NLGN3: variants seen among roughly 807,000 people sequenced by gnomAD.
NLGN3 encodes neuroligin-3.
Under a neutral mutation model 42.9 loss-of-function variants are expected in NLGN3, and 11 were observed. The observed-to-expected ratio is 0.26, with a 90% CI of 0.16 to 0.42. NLGN3 has a LOEUF of 0.42. Ranked by LOEUF, NLGN3 falls within the 10% of genes least tolerant of loss-of-function variation. The pLI is 1.00. For synonymous variants in NLGN3, 279 were observed against 312.7 expected (o/e 0.89, Z 1.14); for missense variants, 374 against 733.8 (o/e 0.51, Z 5.67).
In NLGN3 at chrX:71,170,190, C is replaced by T. The variant is rs2092466790; in HGVS notation, c.*93C>T. ...ACACACACACACACGCAGACACACA[C>T]ACACACACACATATATGTATACGCA... is the stretch of plus-strand genomic sequence containing the variant. On this transcript the variant is annotated 3_prime_UTR_variant, in exon 8 of 8. Coordinates refer to ENST00000358741, the MANE Select transcript of NLGN3 (RefSeq NM_181303.2). The T allele has an allele frequency of 8.5e-7, 1 of 1,182,901 alleles. No individual in the cohort carries two copies. The highest frequency in any genetic ancestry group is 1.1e-6 in the Non-Finnish European group (1 of 886,230).
At chrX:71,159,641 C>CGG (rs914476130) in intron 5 of NLGN3, among the ~76,000 whole-genome samples, 2 of 111,295 alleles carry the variant, frequency 1.8e-5, no homozygotes, top group African/African-American at 6.5e-5. Context: ...TATTGGATGC[C>CGG]GGGTACATAT....
Position 71,171,148 on chromosome X carries a change from A to T in NLGN3, c.*1051A>T, listed in dbSNP as rs2092470335. On this transcript the variant is annotated 3_prime_UTR_variant, in exon 8 of 8. Coordinates refer to ENST00000358741, the MANE Select transcript of NLGN3 (RefSeq NM_181303.2). Reference sequence around the variant, plus strand: ...CCCATGGAGTTTGTCCTTTGTAAAAATTTTAAACACAGTGTCTTGATATAA... The same window carrying T: ...CCCATGGAGTTTGTCCTTTGTAAAATTTTTAAACACAGTGTCTTGATATAA... 1 of 749,802 alleles carries T rather than the reference A, an allele frequency of 1.3e-6. No individual in the cohort carries two copies. Among genetic ancestry groups the T allele is most frequent in the African/African-American group, 2.4e-5 (1 of 42,357 alleles). The allele number at this position is 749,802 out of a possible 1,213,427, so 61.8% of individuals were successfully genotyped here. A position where few individuals can be genotyped will look rare whatever the true frequency, so the allele number is the denominator to read the frequency against.
At chrX:71,168,885 AG>A (rs1349993209) in intron 7 of NLGN3, among the ~76,000 whole-genome samples, 17 of 67,209 alleles carry the variant, frequency 2.5e-4, no homozygotes, top group Admixed American at 1.8e-3. Flanking sequence ...GAAAAGAAAG[AG>A]AAAGAAAGAA....
At chrX:71,147,306 C>T (rs765912418) in intron 1 of NLGN3, among the ~76,000 whole-genome samples, 122 of 112,052 alleles carry the variant, frequency 1.1e-3, no homozygotes, top group African/African-American at 3.8e-3. Flanking sequence ...AGTTGGGCAC[C>T]GGGAACTTGC....
At chrX:71,172,627 C>CGTGTGTGTGTGT (rs59876964), downstream of NLGN3, among the ~76,000 whole-genome samples, 18 of 100,525 alleles carry the variant, frequency 1.8e-4, no homozygotes, top group African/African-American at 5.9e-4. Context: ...TGTGTGCATG[C>CGTGTGTGTGTGT]GTGTGTGTGT....
chrX:71,164,052 T>C, intron 5 of NLGN3, 91 bp from the exon 6 acceptor site: 1 of 837,259 alleles, frequency 1.2e-6, no homozygotes, highest in East Asian at 3.2e-5. Flanking sequence ...CATTCTCTAT[T>C]CCCACCTCCC....
intron 7 of NLGN3, among the ~76,000 whole-genome samples, chrX:71,168,815 A>AG (rs1491538448): frequency 3.6e-5 from 2 of 55,907 alleles, no homozygotes; most frequent in African/African-American, 3.1e-4. Context: ...AAAGAAAGAG[A>AG]AAAAAAAAAG....
Position 71,152,786 on chromosome X carries a change from C to G in NLGN3, c.518-691C>G, listed in dbSNP as rs1228346766. Among the ~76,000 whole-genome samples the G allele has an allele frequency of 3.6e-5, 4 of 111,248 alleles. No individual in the cohort carries two copies. The East Asian group carries it at 1.1e-3, about 31-fold the overall frequency. On this transcript the variant is annotated intron_variant, in intron 3 of 7. Transcript: ENST00000358741. Reference sequence around the variant, plus strand: ...TGTCCCTCTCTCCCTCTCTGGCTCTCTCTACATCTCAGAGCAATGCTTGCT... The same window carrying G: ...TGTCCCTCTCTCCCTCTCTGGCTCTGTCTACATCTCAGAGCAATGCTTGCT...
chrX:71,171,428 C>T, downstream of NLGN3, among the ~76,000 whole-genome samples: 1 of 109,955 alleles, frequency 9.1e-6, no homozygotes, highest in Non-Finnish European at 1.9e-5. Context: ...TCCCCCTGCC[C>T]CCAGCGCGCT....
At chrX:71,168,863 AAGAAAGAGAAAGAAAAGAAAG>A (rs2092459478) in intron 7 of NLGN3, among the ~76,000 whole-genome samples, 10 of 88,364 alleles carry the variant, frequency 1.1e-4, no homozygotes, top group African/African-American at 5.0e-4. Flanking sequence ...GAAAGAAAGA[AAGAAAGAGAAAGAAAAGAAAG>A]AGAAAGAAAG....
chrX:71,168,025 A>G (rs1227248334), intron 7 of NLGN3, among the ~76,000 whole-genome samples: 1 of 111,085 alleles, frequency 9.0e-6, no homozygotes, highest in Non-Finnish European at 1.9e-5. Context: ...CATCGGGACT[A>G]GGAAGGAATG....
intron 4 of NLGN3, among the ~76,000 whole-genome samples, chrX:71,154,350 A>G (rs752381641): frequency 8.8e-6 from 1 of 113,060 alleles, no homozygotes; most frequent in South Asian, 3.6e-4. Context: ...CTGGCATGGC[A>G]GAGAGTATTG....
chrX:71,164,155 C>T lies in NLGN3; in HGVS notation c.740C>T (p.Thr247Ile), dbSNP rs1223574973. 2 of 1,211,426 alleles carry T rather than the reference C, an allele frequency of 1.7e-6. No homozygotes were observed. Among genetic ancestry groups the T allele is most frequent in the African/African-American group, 3.5e-5 (2 of 57,752 alleles). ...YRVGVLGFLSTGDQAAKGNYG... is the reference protein window; with the variant it reads ...YRVGVLGFLSIGDQAAKGNYG... The stretch of plus-strand genomic sequence containing the variant: ...TTGTTGAATCCAGGTTTCCTGAGTA[C>T]TGGAGATCAGGCTGCCAAGGGCAAC... The change falls in exon 6 of 8, where the codon ACT becomes ATT. Residue 247 changes from threonine (T) to isoleucine (I), a missense_variant. By Grantham distance (89) the Thr-to-Ile change is moderately conservative (BLOSUM62 -1). This residue lies in a region of NLGN3 where 28 missense variants were observed against 48.2 expected (regional missense o/e 0.58). Transcript: ENST00000358741.
At chrX:71,172,845 T>C (rs1030585261), downstream of NLGN3, among the ~76,000 whole-genome samples, 2 of 111,736 alleles carry the variant, frequency 1.8e-5, no homozygotes, top group African/African-American at 6.5e-5. Flanking sequence ...AGGAATAACT[T>C]TGCTATGAAT....
At chrX:71,145,801 G>A (rs1251495263) in intron 1 of NLGN3, among the ~76,000 whole-genome samples, 4 of 95,155 alleles carry the variant, frequency 4.2e-5, no homozygotes, top group African/African-American at 1.5e-4. Context: ...GCACCGAGGG[G>A]GTTAATGTGG....
intron 7 of NLGN3, among the ~76,000 whole-genome samples, chrX:71,168,838 AAAG>A (rs1387676828): frequency 9.2e-5 from 8 of 87,052 alleles, no homozygotes; most frequent in African/African-American, 5.0e-4. Flanking sequence ...AGAAAGAAAG[AAAG>A]AAAGAAAGAA....
At chrX:71,154,212 G>A (rs1223270409) in intron 4 of NLGN3, among the ~76,000 whole-genome samples, 2 of 113,290 alleles carry the variant, frequency 1.8e-5, no homozygotes, top group Admixed American at 9.2e-5. Context: ...CTTCCTCCTT[G>A]GAGAAACAAG....
At chrX:71,163,452 T>C (rs1430966824) in intron 5 of NLGN3, among the ~76,000 whole-genome samples, 1 of 111,030 alleles carries the variant, frequency 9.0e-6, no homozygotes, top group Non-Finnish European at 1.9e-5. Context: ...AAGGGGGCCA[T>C]CAAGGCCCCG....
intron 7 of NLGN3, among the ~76,000 whole-genome samples, chrX:71,168,156 G>A (rs1487016330): frequency 1.8e-5 from 2 of 109,085 alleles, no homozygotes; most frequent in African/African-American, 6.7e-5. Context: ...ACCAGCCACG[G>A]CAACATAGAA....
Sources: gnomAD v4.1 joint callset for allele counts (sites outside exome capture counted in the v4.1 genomes callset) on GRCh38, gnomAD v4.1.1 for gene constraint, gnomAD v4.1.1 regional missense constraint, MANE v1.5 for transcripts, NCBI Gene and HGNC (gene_info 2026-07-23, HGNC 2026-07-21) for gene names.